The following TBC1D19 variants were observed in gnomAD, a reference collection of about 807,000 sequenced individuals.
TBC1D19 encodes the protein TBC1 domain family, member 19.
In TBC1D19, 60 loss-of-function variants were observed where a neutral mutation model predicts 89.0. The observed-to-expected ratio is 0.67, with a 90% CI of 0.55 to 0.84. The LOEUF (loss-of-function observed/expected upper bound fraction) is 0.84, where lower values mean the gene tolerates loss of function less well. Among genes scored for constraint, TBC1D19 ranks in the 40% least tolerant of loss-of-function variants. TBC1D19 has a pLI of 0.00. For missense variants in TBC1D19, 500 were observed against 610.8 expected (o/e 0.82, Z 1.91); for synonymous variants, 189 against 199.7 (o/e 0.95, Z 0.45).
intron 13 of TBC1D19, among the ~76,000 whole-genome samples, chr4:26,691,573 G>C (rs1333569787): frequency 6.6e-6 from 1 of 152,064 alleles, no homozygotes; most frequent in Non-Finnish European, 1.5e-5. Flanking sequence ...TGAAGATTCA[G>C]ATGGTTATTA....
intron 1 of TBC1D19, among the ~76,000 whole-genome samples, chr4:26,609,141 T>G (rs1741202110): frequency 6.6e-6 from 1 of 150,654 alleles, no homozygotes; most frequent in African/African-American, 2.4e-5. Flanking sequence ...CACACCAACA[T>G]GGCACATGTA....
At chr4:26,611,093 C>T (rs955606253) in intron 1 of TBC1D19, among the ~76,000 whole-genome samples, 3 of 152,158 alleles carry the variant, frequency 2.0e-5, no homozygotes, top group Admixed American at 6.6e-5. Context: ...CTTTTCTCTA[C>T]AGCCTCCCTG....
intron 7 of TBC1D19, among the ~76,000 whole-genome samples, chr4:26,652,421 T>C (rs1308068694): frequency 1.3e-5 from 2 of 152,156 alleles, no homozygotes; most frequent in African/African-American, 2.4e-5. Context: ...TTCCTTTTTG[T>C]GGAGAACGGG....
chr4:26,710,572 G>A (rs540909049), intron 13 of TBC1D19, among the ~76,000 whole-genome samples: 39 of 152,180 alleles, frequency 2.6e-4, no homozygotes, highest in African/African-American at 9.4e-4. Context: ...GGGTCAAATG[G>A]TATTTCTAGT....
At chr4:26,841,694 C>T in the TBC1D19 span, among the ~76,000 whole-genome samples, 4 of 152,272 alleles carry the variant, frequency 2.6e-5, no homozygotes, top group Admixed American at 1.3e-4. Context: ...TTACCCTACG[C>T]GTATTTTTGG....
intron 1 of TBC1D19, among the ~76,000 whole-genome samples, chr4:26,599,822 T>A (rs1740475277): frequency 6.6e-6 from 1 of 151,478 alleles, no homozygotes; most frequent in South Asian, 2.1e-4. Context: ...GTGGCGTGCA[T>A]CTGTAGTCCC....
chr4:26,589,081 C>A (rs1739604360), intron 1 of TBC1D19, among the ~76,000 whole-genome samples: 1 of 152,118 alleles, frequency 6.6e-6, no homozygotes, highest in Non-Finnish European at 1.5e-5. Context: ...TTGAGACCAG[C>A]CTCGCCAACA....
the TBC1D19 span, among the ~76,000 whole-genome samples, chr4:26,766,444 C>A: frequency 6.6e-6 from 1 of 152,198 alleles, no homozygotes; most frequent in African/African-American, 2.4e-5. Flanking sequence ...CCAGACTTCT[C>A]TTACCAATAT....
At chr4:26,598,399 CT>C (rs67919748) in intron 1 of TBC1D19, among the ~76,000 whole-genome samples, 69,008 of 150,614 alleles carry the variant, frequency 0.46, 17,450 homozygotes, top group Admixed American at 0.61. Context: ...AAATATTCTT[CT>C]TTTTTTTTTC....
intron 17 of TBC1D19, among the ~76,000 whole-genome samples, chr4:26,741,721 A>G (rs1448529301): frequency 1.3e-5 from 2 of 151,800 alleles, no homozygotes; most frequent in Admixed American, 6.6e-5. Flanking sequence ...GAACCATGAC[A>G]GTCTTTTTTT....
intron 1 of TBC1D19, among the ~76,000 whole-genome samples, chr4:26,590,567 G>T (rs1363707808): frequency 6.6e-6 from 1 of 152,048 alleles, no homozygotes; most frequent in Admixed American, 6.6e-5. Context: ...TGAAGCCTGT[G>T]TCTGCAGTTT....
At chr4:26,720,535 A>G (rs1230775866) in intron 15 of TBC1D19, among the ~76,000 whole-genome samples, 1 of 152,190 alleles carries the variant, frequency 6.6e-6, no homozygotes, top group Non-Finnish European at 1.5e-5. Context: ...TGAAACAAAA[A>G]TATTATTAAA....
intron 15 of TBC1D19, among the ~76,000 whole-genome samples, chr4:26,731,827 C>T (rs529682804): frequency 2.1e-4 from 32 of 151,946 alleles, no homozygotes; most frequent in Non-Finnish European, 3.8e-4. Flanking sequence ...AAGGGAAACC[C>T]CTGGATTTGG....
the TBC1D19 span, among the ~76,000 whole-genome samples, chr4:26,805,940 C>T: frequency 6.6e-6 from 1 of 152,142 alleles, no homozygotes; most frequent in Non-Finnish European, 1.5e-5. Context: ...TATTGCCCTC[C>T]AGCCTGGATG....
At chr4:26,814,002 C>T in the TBC1D19 span, among the ~76,000 whole-genome samples, 2 of 152,152 alleles carry the variant, frequency 1.3e-5, no homozygotes, top group African/African-American at 4.8e-5. Context: ...TGGAGAGCAC[C>T]ATCAGCTCTT....
intron 13 of TBC1D19, among the ~76,000 whole-genome samples, chr4:26,700,876 G>A (rs1362220588): frequency 6.6e-6 from 1 of 152,212 alleles, no homozygotes; most frequent in African/African-American, 2.4e-5. Context: ...ATGTTCTACA[G>A]TAAAGTCAGA....
chr4:26,648,913 T>C (rs1330325334), intron 7 of TBC1D19, among the ~76,000 whole-genome samples: 1 of 152,128 alleles, frequency 6.6e-6, no homozygotes, highest in African/African-American at 2.4e-5. Flanking sequence ...ATTGATCTTT[T>C]ATTACTCATG....
At chr4:26,581,583 G>T (rs1263482812), upstream of TBC1D19, among the ~76,000 whole-genome samples, 3 of 152,196 alleles carry the variant, frequency 2.0e-5, no homozygotes, top group Admixed American at 1.3e-4. Context: ...GTATTCCATG[G>T]TGTATATGTG....
At chr4:26,644,746 G>A (rs1470089297) in intron 7 of TBC1D19, among the ~76,000 whole-genome samples, 1 of 152,144 alleles carries the variant, frequency 6.6e-6, no homozygotes, top group East Asian at 1.9e-4. Context: ...AAATCAATGT[G>A]CAAAAATCAC....
Sources: gnomAD v4.1 joint callset for allele counts (sites outside exome capture counted in the v4.1 genomes callset) on GRCh38, gnomAD v4.1.1 for gene constraint, MANE v1.5 for transcripts, NCBI Gene and HGNC (gene_info 2026-07-23, HGNC 2026-07-21) for gene names.